Variants in UBE2E1 observed in about 807,000 individuals in gnomAD.
UBE2E1 encodes ubiquitin-conjugating enzyme E2 E1.
UBE2E1 carries 6 observed loss-of-function variants against 21.4 expected under a neutral mutation model. That is an observed-to-expected ratio of 0.28 (90% CI 0.15 to 0.55). The LOEUF (loss-of-function observed/expected upper bound fraction) is 0.55, where lower values mean the gene tolerates loss of function less well. Ranked by LOEUF, UBE2E1 falls within the 20% of genes least tolerant of loss-of-function variation. The pLI, the probability that UBE2E1 is intolerant of heterozygous loss-of-function variation, is 0.93. For synonymous variants in UBE2E1, 87 were observed against 82.7 expected, an observed-to-expected ratio of 1.05 and a Z score of -0.28; for missense variants, 142 against 236.5, an observed-to-expected ratio of 0.60 and a Z score of 2.62.
chr3:23,864,716 T>G (rs1700618722), intron 3 of UBE2E1, among the ~76,000 whole-genome samples: 1 of 152,248 alleles, frequency 6.6e-6, no homozygotes, highest in South Asian at 2.1e-4. Context: ...TAGTTTGTTT[T>G]GATTTTTGAT....
chr3:23,853,684 G>C lies in UBE2E1; in HGVS notation c.204-33883G>C, dbSNP rs1035138075. Among the ~76,000 whole-genome samples, 9 of 152,226 alleles carry C rather than the reference G, an allele frequency of 5.9e-5. No individual in the cohort carries two copies. The highest frequency in any genetic ancestry group is 2.2e-4 in the African/African-American group (9 of 41,520). Reference sequence around the variant, plus strand: ...CCCTCTTAACTTGTTTCTTGGTAATGAGTGAATTGGTGAAAATAACTACAT... The same window carrying C: ...CCCTCTTAACTTGTTTCTTGGTAATCAGTGAATTGGTGAAAATAACTACAT... On this transcript the variant is annotated intron_variant, in intron 3 of 5. Transcript: ENST00000306627. This position sits in a 1 kb window ranked among gnomAD's most constrained non-coding sequence, Gnocchi z 4.1.
At chr3:23,843,944 C>T (rs1016496162) in intron 3 of UBE2E1, among the ~76,000 whole-genome samples, 1 of 152,102 alleles carries the variant, frequency 6.6e-6, no homozygotes, top group Non-Finnish European at 1.5e-5. Context: ...CAGATATTGC[C>T]ATCTTTATCC....
At chr3:23,854,897 CTT>C (rs1159009576) in intron 3 of UBE2E1, among the ~76,000 whole-genome samples, 2 of 152,144 alleles carry the variant, frequency 1.3e-5, no homozygotes, top group Non-Finnish European at 2.9e-5. Context: ...ACTTGACAAA[CTT>C]GTTGGTATTT....
At chr3:23,864,935 A>G (rs992657346) in intron 3 of UBE2E1, among the ~76,000 whole-genome samples, 8 of 152,220 alleles carry the variant, frequency 5.3e-5, no homozygotes, top group Non-Finnish European at 8.8e-5. Flanking sequence ...GCCCTCATCC[A>G]TGTTAATGAC....
chr3:23,844,164 C>G (rs1242776423), intron 3 of UBE2E1, among the ~76,000 whole-genome samples: 1 of 152,104 alleles, frequency 6.6e-6, no homozygotes, highest in African/African-American at 2.4e-5. Context: ...TGAGCCCTCC[C>G]CTTCCCCCAG....
At chr3:23,815,880 C>T (rs1038980760) in intron 3 of UBE2E1, among the ~76,000 whole-genome samples, 7 of 152,110 alleles carry the variant, frequency 4.6e-5, no homozygotes, top group Non-Finnish European at 1.0e-4. Flanking sequence ...TTAGTTTCAC[C>T]ATTGCAGTGT....
intron 3 of UBE2E1, among the ~76,000 whole-genome samples, chr3:23,831,920 G>A (rs1699875265): frequency 6.6e-6 from 1 of 152,006 alleles, no homozygotes; most frequent in South Asian, 2.1e-4. Context: ...GGTCTTGAAT[G>A]CCTGACTGAG....
intron 3 of UBE2E1, among the ~76,000 whole-genome samples, chr3:23,859,659 C>T (rs1008206301): frequency 6.6e-6 from 1 of 152,180 alleles, no homozygotes; most frequent in African/African-American, 2.4e-5. Context: ...CTTAAAGTCT[C>T]TGGGCCTCAG....
chr3:23,815,085 GTCC>G (rs1395327953), intron 3 of UBE2E1, among the ~76,000 whole-genome samples: 2 of 152,080 alleles, frequency 1.3e-5, no homozygotes, highest in African/African-American at 2.4e-5. Flanking sequence ...GGCTTAAGCT[GTCC>G]TCCTGCTTCA....
intron 3 of UBE2E1, among the ~76,000 whole-genome samples, chr3:23,851,082 G>A (rs1422230031): frequency 1.3e-5 from 2 of 152,068 alleles, no homozygotes; most frequent in African/African-American, 2.4e-5. Flanking sequence ...GTGTGAAGAA[G>A]GGTTCAGTTT....
At chr3:23,858,195 CAG>C (rs1379898540) in intron 3 of UBE2E1, among the ~76,000 whole-genome samples, 1 of 152,174 alleles carries the variant, frequency 6.6e-6, no homozygotes, top group African/African-American at 2.4e-5. Flanking sequence ...GATTTCAATG[CAG>C]AGGGCAGACA....
intron 2 of UBE2E1, 191 bp downstream of exon 2, chr3:23,807,612 T>C: frequency 1.6e-6 from 1 of 611,088 alleles, no homozygotes; most frequent in Non-Finnish European, 2.5e-6. Context: ...ATTGCTCACA[T>C]GCAGCTGTTG....
At chr3:23,883,983 G>GT (rs933410971) in intron 3 of UBE2E1, among the ~76,000 whole-genome samples, 10 of 151,654 alleles carry the variant, frequency 6.6e-5, no homozygotes, top group African/African-American at 2.4e-4. Context: ...ACCATTCACA[G>GT]TAATTCCTGA....
At chr3:23,838,370 C>T (rs557712607) in intron 3 of UBE2E1, among the ~76,000 whole-genome samples, 4 of 152,114 alleles carry the variant, frequency 2.6e-5, no homozygotes, top group South Asian at 2.1e-4. Flanking sequence ...CCTGGACTAG[C>T]GGTTTCTTTT....
intron 3 of UBE2E1, among the ~76,000 whole-genome samples, chr3:23,885,930 C>T (rs926820946): frequency 6.6e-6 from 1 of 151,966 alleles, no homozygotes; most frequent in Non-Finnish European, 1.5e-5. Context: ...TTTTTGGTGG[C>T]TTACACTTAT....
In UBE2E1 at chr3:23,806,442, G is replaced by T. The variant is rs1279254183; in HGVS notation, c.-34+354G>T. On this transcript the variant is annotated intron_variant, in intron 1 of 5. Coordinates refer to ENST00000306627, the MANE Select transcript of UBE2E1 (RefSeq NM_003341.5). This position sits in a 1 kb window ranked among gnomAD's most constrained non-coding sequence, Gnocchi z 6.5. ...GGAGCCCCGTTTTCCCCAGGGGCGG[G>T]GGTTCGCGGGGATTAACCCCTCCGG... Among the ~76,000 whole-genome samples the T allele has an allele frequency of 6.6e-6, 1 of 151,824 alleles. No individual in the cohort carries two copies. Among genetic ancestry groups the T allele is most frequent in the Non-Finnish European group, 1.5e-5 (1 of 67,854 alleles).
chr3:23,865,301 C>T (rs1365648293), intron 3 of UBE2E1, among the ~76,000 whole-genome samples: 2 of 152,172 alleles, frequency 1.3e-5, no homozygotes, highest in Non-Finnish European at 2.9e-5. Flanking sequence ...TAGTTTATGT[C>T]ATAGGAGCTT....
At chr3:23,846,143 G>GT (rs1700198074) in intron 3 of UBE2E1, among the ~76,000 whole-genome samples, 1 of 152,220 alleles carries the variant, frequency 6.6e-6, no homozygotes, top group South Asian at 2.1e-4. Context: ...TTCAGTACCT[G>GT]TAAGAGAAAG....
At chr3:23,862,319 G>A (rs1700575448) in intron 3 of UBE2E1, among the ~76,000 whole-genome samples, 1 of 152,066 alleles carries the variant, frequency 6.6e-6, no homozygotes, top group South Asian at 2.1e-4. Flanking sequence ...ACACATCTCT[G>A]TACCAAAAGT....
Sources: allele counts gnomAD v4.1 joint callset (sites outside exome capture counted in the v4.1 genomes callset), GRCh38; gene constraint gnomAD v4.1.1; non-coding constraint Gnocchi (gnomAD v3.1); transcripts MANE v1.5; gene names NCBI Gene and HGNC (gene_info 2026-07-23, HGNC 2026-07-21).